The following VNN2 variants were observed in gnomAD, a reference collection of about 807,000 sequenced individuals.
The protein encoded by VNN2 is pantetheine hydrolase VNN2.
A neutral mutation model predicts 43.0 loss-of-function variants in VNN2; 43 were observed. The observed-to-expected ratio is 1.00, with a 90% CI of 0.78 to 1.29. The LOEUF (loss-of-function observed/expected upper bound fraction) is 1.29, where lower values mean the gene tolerates loss of function less well. Among genes scored for constraint, VNN2 ranks in the 50% most tolerant of loss-of-function variants. The pLI is 0.00. For synonymous variants in VNN2, 230 were observed against 224.3 expected, an observed-to-expected ratio of 1.03 and a Z score of -0.23; for missense variants, 652 against 619.7, an observed-to-expected ratio of 1.05 and a Z score of -0.55.
At position 132,752,454 on chromosome 6, in the gene VNN2, G is replaced by A. The variant is rs1780167793; in HGVS notation, c.826+7C>T. On this transcript the variant is annotated splice_region_variant and intron_variant, in intron 4 of 6. Transcript: ENST00000326499. ...ATAAGATGAAACCTAACCTGGTCAT[G>A]AATTACCTGTCATATTTAGGCTGAC... The A allele has an allele frequency of 6.2e-7, 1 of 1,609,198 alleles. No individual in the cohort carries two copies. The highest frequency in any genetic ancestry group is 8.5e-7 in the Non-Finnish European group (1 of 1,177,162).
At chr6:132,749,602 C>T (rs1395281950) in intron 6 of VNN2, 93 bp downstream of exon 6, 15 of 1,263,718 alleles carry the variant, frequency 1.2e-5, no homozygotes, top group Non-Finnish European at 1.5e-5. Flanking sequence ...ATTTGTTACA[C>T]AGCAGAAGTT....
chr6:132,757,408 TAAAATAC>T lies in VNN2; in HGVS notation c.344+1_344+7del. The stretch of plus-strand genomic sequence containing the variant: ...CTTTTGCACAAAAGACTAAGATAGT[TAAAATAC>T]CTGTGGGGGTCTTGACACGGAATCC... On this transcript the variant is annotated splice_donor_variant and splice_donor_5th_base_variant and intron_variant, in intron 2 of 6. Coordinates refer to ENST00000326499, the MANE Select transcript of VNN2 (RefSeq NM_004665.6). LOFTEE classifies it high-confidence loss of function. The T allele has an allele frequency of 1.3e-6, 2 of 1,589,146 alleles. No individual in the cohort carries two copies. Among genetic ancestry groups the T allele is most frequent in the Non-Finnish European group, 1.7e-6 (2 of 1,171,712 alleles).
At chr6:132,744,928 A>G (rs996773812) in intron 6 of VNN2, among the ~76,000 whole-genome samples, 3 of 152,060 alleles carry the variant, frequency 2.0e-5, no homozygotes, top group African/African-American at 4.8e-5. Flanking sequence ...AGAAAAAAAA[A>G]ACTGAACTGG....
upstream of VNN2, among the ~76,000 whole-genome samples, chr6:132,758,655 C>CG (rs34108170): frequency 9.9e-5 from 15 of 151,658 alleles, no homozygotes; most frequent in African/African-American, 2.7e-4. Flanking sequence ...TATTTTTAGA[C>CG]GGGGGGGAAA....
In VNN2 at chr6:132,751,432, C is replaced by T. The variant is rs79036037; in HGVS notation, c.913G>A (p.Asp305Asn). The T allele has an allele frequency of 0.014, 22,460 of 1,614,106 alleles. 189 individuals carry two copies. The highest frequency in any genetic ancestry group is 0.017 in the Non-Finnish European group (19,910 of 1,180,002). ...GCAAGCGAGGATAGGGGATGTGAAT[C>T]CACCTCTGAAAGGAGAAGTTTTCCC... ...ELGKLLLSEVDSHPLSSLAYP... is the reference protein window; with the variant it reads ...ELGKLLLSEVNSHPLSSLAYP... The change falls in exon 5 of 7, where the codon GAT becomes AAT. Residue 305 changes from aspartate (D) to asparagine (N), a missense_variant. Coordinates refer to ENST00000326499, the MANE Select transcript of VNN2 (RefSeq NM_004665.6).
chr6:132,747,340 A>G (rs35954051), intron 6 of VNN2, among the ~76,000 whole-genome samples: 8,816 of 152,234 alleles, frequency 0.058, 303 homozygotes, highest in East Asian at 0.13. Flanking sequence ...AAACAAGGCC[A>G]GGCATGGTGG....
In VNN2 at chr6:132,751,514, A is replaced by G; in HGVS notation, c.831T>C (p.Ser277=). The change falls in exon 5 of 7, where the codon AGT becomes AGC. Residue 277 remains serine, a synonymous_variant. Transcript: ENST00000326499. ...THHVSLNMTG[S]GIYAPNGPKV... ...TGGGACCATTTGGTGCATAAATACC[A>G]CTTCCTGTGAATGAAAGACAAGTCT... 1 of 1,597,630 alleles carries G rather than the reference A, an allele frequency of 6.3e-7. No homozygotes were observed. The highest frequency in any genetic ancestry group is 2.2e-5 in the East Asian group (1 of 44,672).
At chr6:132,759,217 ACC>A (rs747431203), upstream of VNN2, among the ~76,000 whole-genome samples, 86 of 152,134 alleles carry the variant, frequency 5.7e-4, no homozygotes, top group South Asian at 3.1e-3. Flanking sequence ...CAGGCAGATC[ACC>A]TGAGGTCAGG....
upstream of VNN2, among the ~76,000 whole-genome samples, chr6:132,758,851 G>C (rs1780651784): frequency 6.6e-6 from 1 of 152,126 alleles, no homozygotes. Flanking sequence ...AATACCCCGA[G>C]GCACCTAGGC....
chr6:132,752,601 A>G lies in VNN2; in HGVS notation c.686T>C (p.Val229Ala). The G allele has an allele frequency of 5.6e-6, 9 of 1,614,220 alleles. No individual in the cohort carries two copies. The highest frequency in any genetic ancestry group is 7.6e-6 in the Non-Finnish European group (9 of 1,180,040). Reference protein sequence around the residue: ...PGVTLVKDFHVDTILFPTAWM... With the variant: ...PGVTLVKDFHADTILFPTAWM... Reference sequence around the variant, plus strand: ...AGCTGTGGGAAACAGTATGGTGTCCACATGGAAATCTTTCACCAGGGTAAC... The same window carrying G: ...AGCTGTGGGAAACAGTATGGTGTCCGCATGGAAATCTTTCACCAGGGTAAC... The change falls in exon 4 of 7, where the codon GTG (valine) becomes GCG (alanine). Residue 229 changes from valine to alanine, a missense_variant. By Grantham distance (64) the Val-to-Ala change is moderately conservative. Transcript: ENST00000326499.
intron 2 of VNN2, 50 bp from the exon 3 acceptor site, chr6:132,756,085 T>C (rs113466303): frequency 6.8e-7 from 1 of 1,464,404 alleles, no homozygotes; most frequent in African/African-American, 1.4e-5. Context: ...AATATTTTAG[T>C]CACTTTATAT....
chr6:132,750,112 T>G (rs1779968616), intron 5 of VNN2, among the ~76,000 whole-genome samples: 1 of 152,072 alleles, frequency 6.6e-6, no homozygotes, highest in Admixed American at 6.5e-5. Flanking sequence ...AAACCATTAG[T>G]TTGGTATGTC....
chr6:132,750,497 G>GTGTATGTATATATGTATATATATATATA, intron 5 of VNN2, among the ~76,000 whole-genome samples: 2 of 103,680 alleles, frequency 1.9e-5, no homozygotes, highest in African/African-American at 7.1e-5. Context: ...TTGTATATGT[G>GTGTATGTATATATGTATATATATATATA]TATATATATA....
upstream of VNN2, among the ~76,000 whole-genome samples, chr6:132,758,977 C>T (rs190718337): frequency 3.7e-3 from 545 of 147,398 alleles, 3 homozygotes; most frequent in Non-Finnish European, 5.9e-3. Flanking sequence ...TCTCCTCCTA[C>T]TCCTTCTCCT....
intron 6 of VNN2, among the ~76,000 whole-genome samples, chr6:132,746,110 AAGTG>A (rs1170789631): frequency 6.6e-6 from 1 of 152,244 alleles, no homozygotes; most frequent in Non-Finnish European, 1.5e-5. Flanking sequence ...TTCAGAGGTT[AAGTG>A]ACTTTCCCAA....
At chr6:132,750,036 G>A (rs544728727) in intron 5 of VNN2, among the ~76,000 whole-genome samples, 171 bp from the exon 6 acceptor site, 23 of 152,180 alleles carry the variant, frequency 1.5e-4, no homozygotes, top group Non-Finnish European at 2.8e-4. Flanking sequence ...CCAGTGACTT[G>A]AGAATCAACC....
chr6:132,759,279 A>T (rs556598082), upstream of VNN2, among the ~76,000 whole-genome samples: 1 of 151,516 alleles, frequency 6.6e-6, no homozygotes, highest in South Asian at 2.1e-4. Context: ...TCTCTACCAA[A>T]AACACAAAAA....
At position 132,755,840 on chromosome 6, in the gene VNN2, T is replaced by C; in HGVS notation, c.537+3A>G. The C allele has an allele frequency of 6.2e-7, 1 of 1,609,560 alleles. No homozygotes were observed. Among genetic ancestry groups the C allele is most frequent in the Non-Finnish European group, 8.5e-7 (1 of 1,177,286 alleles). On this transcript the variant is annotated splice_donor_region_variant and intron_variant, in intron 3 of 6. Transcript: ENST00000326499. ...ATTTTACACGTCCGTCACTCTCTCT[T>C]ACCTTATGGTAACGTGCCACGAGTT...
upstream of VNN2, chr6:132,758,039 CTTT>C (rs533088096): frequency 3.8e-3 from 633 of 164,590 alleles, no homozygotes; most frequent in South Asian, 6.6e-3. Flanking sequence ...TCTTCTTCTT[CTTT>C]TTTTTTTTTT....
Sources: gnomAD v4.1 joint callset for allele counts (sites outside exome capture counted in the v4.1 genomes callset) on GRCh38, gnomAD v4.1.1 for gene constraint, MANE v1.5 for transcripts, NCBI Gene and HGNC (gene_info 2026-07-23, HGNC 2026-07-21) for gene names.